The following CHD9 variants were observed in gnomAD, a reference collection of about 807,000 sequenced individuals.
The protein encoded by CHD9 is chromodomain helicase DNA binding protein 9.
Under a neutral mutation model 316.1 loss-of-function variants are expected in CHD9, and 77 were observed. The observed-to-expected ratio is 0.24, with a 90% CI of 0.20 to 0.29. The LOEUF is 0.29. Ranked by LOEUF, CHD9 falls within the 10% of genes least tolerant of loss-of-function variation. The pLI, the probability that CHD9 is intolerant of heterozygous loss-of-function variation, is 1.00. For synonymous variants in CHD9, 1,129 were observed against 1,158.3 expected, an observed-to-expected ratio of 0.97 and a Z score of 0.51; for missense variants, 2,763 against 3,438.1, an observed-to-expected ratio of 0.80 and a Z score of 4.91.
At chr16:53,063,848 T>C (rs953907875) in intron 1 of CHD9, among the ~76,000 whole-genome samples, 1 of 150,016 alleles carries the variant, frequency 6.7e-6, no homozygotes, top group Non-Finnish European at 1.5e-5. Context: ...TTTTTTTTTT[T>C]AAGAAAGACA....
At chr16:53,295,857 G>T (rs1380061689) in intron 29 of CHD9, among the ~76,000 whole-genome samples, 1 of 152,170 alleles carries the variant, frequency 6.6e-6, no homozygotes, top group East Asian at 1.9e-4. Flanking sequence ...ACTAAGGTTT[G>T]CAGATCTATG....
intron 1 of CHD9, among the ~76,000 whole-genome samples, chr16:53,132,099 T>A (rs917377317): frequency 1.5e-5 from 2 of 136,930 alleles, no homozygotes; most frequent in African/African-American, 5.6e-5. Flanking sequence ...TAAAAAAAAT[T>A]TTTTTTGGGG....
intron 34 of CHD9, among the ~76,000 whole-genome samples, chr16:53,312,634 A>G (rs2153097907): frequency 6.6e-6 from 1 of 152,322 alleles, no homozygotes; most frequent in East Asian, 1.9e-4. Context: ...TTAAGTTATG[A>G]AAAGCATCAA....
intron 1 of CHD9, among the ~76,000 whole-genome samples, chr16:53,120,912 A>G (rs1217717575): frequency 6.6e-6 from 1 of 152,156 alleles, no homozygotes; most frequent in African/African-American, 2.4e-5. Context: ...AGGCTGAGGC[A>G]GGAGAATCAC....
chr16:53,182,754 G>A (rs904186838), intron 2 of CHD9, among the ~76,000 whole-genome samples: 15 of 152,022 alleles, frequency 9.9e-5, no homozygotes, highest in Middle Eastern at 3.4e-3. Flanking sequence ...AAATTAAAAA[G>A]TACATTTAAT....
chr16:53,159,495 A>C (rs1483802870), intron 2 of CHD9, among the ~76,000 whole-genome samples: 6 of 152,182 alleles, frequency 3.9e-5, no homozygotes, highest in Admixed American at 6.5e-5. Flanking sequence ...GGACAATGAA[A>C]TATACCAAAG....
chr16:53,235,136 T>G, intron 10 of CHD9, 49 bp from the exon 11 acceptor site: 1 of 1,499,530 alleles, frequency 6.7e-7, no homozygotes, highest in Non-Finnish European at 9.0e-7. Context: ...GCCTTCAGTA[T>G]GATATATGGA....
rs768904662 is a variant in CHD9 at position 53,157,126 on chromosome 16, A to G, written c.1037A>G (p.Gln346Arg). ...NFQILHSSHPQGNYSNSKLSP... is the reference protein window; with the variant it reads ...NFQILHSSHPRGNYSNSKLSP... ...CAAATATTGCATTCATCACATCCTCAGGGTAATTATAGCAATTCAAAATTA... is the reference window on the plus strand; with the variant it reads ...CAAATATTGCATTCATCACATCCTCGGGGTAATTATAGCAATTCAAAATTA... Residue 346 changes from glutamine to arginine, a missense_variant, in exon 2 of 39, where the codon CAG becomes CGG. Physicochemically the swap from Gln to Arg is conservative, Grantham distance 43. Coordinates refer to ENST00000447540, the MANE Select transcript of CHD9 (RefSeq NM_001308319.2). The G allele has an allele frequency of 2.5e-6, 4 of 1,610,642 alleles. No homozygotes were observed. Among genetic ancestry groups the G allele is most frequent in the Non-Finnish European group, 2.5e-6 (3 of 1,178,010 alleles).
Position 53,324,906 on chromosome 16 carries a change from C to G in CHD9, c.*11C>G. ...AGTAATGAAGACTGATTCCCAGACT[C>G]TGCACTTAAAATATGAACTGATTTT... is the stretch of plus-strand genomic sequence containing the variant. On this transcript the variant is annotated 3_prime_UTR_variant, in exon 39 of 39. Coordinates refer to ENST00000447540, the MANE Select transcript of CHD9 (RefSeq NM_001308319.2). The G allele has an allele frequency of 6.4e-7, 1 of 1,552,110 alleles. No individual in the cohort carries two copies. The highest frequency in any genetic ancestry group is 1.2e-5 in the South Asian group (1 of 80,980).
chr16:53,164,983 T>G (rs190943774), intron 2 of CHD9, among the ~76,000 whole-genome samples: 1 of 152,228 alleles, frequency 6.6e-6, no homozygotes, highest in Non-Finnish European at 1.5e-5. Flanking sequence ...TAAGATTATG[T>G]GTAAGATGAT....
In CHD9 at chr16:53,245,916, G is replaced by T; in HGVS notation, c.3454+66G>T. 4 of 1,166,374 alleles carry T rather than the reference G, an allele frequency of 3.4e-6. No individual in the cohort carries two copies. Among genetic ancestry groups the T allele is most frequent in the Non-Finnish European group, 4.6e-6 (4 of 862,592 alleles). 72.3% of individuals were successfully genotyped at this position (1,166,374 alleles called of 1,614,324 possible). The stretch of plus-strand genomic sequence containing the variant: ...ACAAATACTAATGAATAAATAAACA[G>T]AACACACTACAGCTGTAGTGGCTGT... On this transcript the variant is annotated intron_variant, in intron 15 of 38. Transcript: ENST00000447540. The surrounding 1 kb of genome is among the most constrained non-coding windows in gnomAD (Gnocchi z 4.1).
intron 28 of CHD9, among the ~76,000 whole-genome samples, chr16:53,292,099 C>T (rs969773779): frequency 5.3e-4 from 81 of 152,098 alleles, no homozygotes; most frequent in Non-Finnish European, 8.7e-4. Context: ...ACATTAAGAG[C>T]CATTCTTTAT....
chr16:53,210,909 A>G (rs2046282999), intron 3 of CHD9, among the ~76,000 whole-genome samples: 1 of 152,038 alleles, frequency 6.6e-6, no homozygotes, highest in South Asian at 2.1e-4. Flanking sequence ...TTGATTTTGC[A>G]TTTTACTTGC....
At chr16:53,105,073 C>G (rs1381698286) in intron 1 of CHD9, among the ~76,000 whole-genome samples, 1 of 152,086 alleles carries the variant, frequency 6.6e-6, no homozygotes, top group Non-Finnish European at 1.5e-5. Context: ...GAACTATTGT[C>G]CTCGAGCAAT....
At chr16:53,284,131 C>T (rs574258580) in intron 24 of CHD9, among the ~76,000 whole-genome samples, 107 of 152,062 alleles carry the variant, frequency 7.0e-4, no homozygotes, top group African/African-American at 2.5e-3. Flanking sequence ...AGGAAATCCC[C>T]CATTTCTTAT....
chr16:53,318,785 A>G (rs2057066128), intron 37 of CHD9, among the ~76,000 whole-genome samples: 1 of 152,198 alleles, frequency 6.6e-6, no homozygotes, highest in East Asian at 1.9e-4. Flanking sequence ...CTACAATACC[A>G]ATTCACAATG....
chr16:53,147,055 A>T (rs571822859), intron 1 of CHD9, among the ~76,000 whole-genome samples: 3 of 152,312 alleles, frequency 2.0e-5, no homozygotes, highest in East Asian at 3.9e-4. Flanking sequence ...GATACTAAGG[A>T]TACATTACAT....
chr16:53,193,852 C>T (rs1259879748), intron 2 of CHD9, among the ~76,000 whole-genome samples: 1 of 152,232 alleles, frequency 6.6e-6, no homozygotes, highest in Admixed American at 6.5e-5. Flanking sequence ...TGCTAAACAT[C>T]GGCTAGGTTT....
intron 2 of CHD9, among the ~76,000 whole-genome samples, chr16:53,187,318 G>A (rs1238942714): frequency 6.6e-6 from 1 of 151,958 alleles, no homozygotes; most frequent in Non-Finnish European, 1.5e-5. Context: ...GACCAGCTTG[G>A]GCAACATAGC....
Sources: gnomAD v4.1 joint callset for allele counts (sites outside exome capture counted in the v4.1 genomes callset) on GRCh38, gnomAD v4.1.1 for gene constraint, Gnocchi (gnomAD v3.1) non-coding constraint, MANE v1.5 for transcripts, NCBI Gene and HGNC (gene_info 2026-07-23, HGNC 2026-07-21) for gene names.